ERBB4: variants seen among roughly 807,000 people sequenced by gnomAD.
ERBB4 encodes erb-b2 receptor tyrosine kinase 4.
A neutral mutation model predicts 158.0 loss-of-function variants in ERBB4; 42 were observed. That is an observed-to-expected ratio of 0.27 (90% CI 0.21 to 0.34). ERBB4 has a LOEUF of 0.34. Among genes scored for constraint, ERBB4 ranks in the 10% least tolerant of loss-of-function variants. ERBB4 has a pLI of 1.00. For synonymous variants in ERBB4, 583 were observed against 558.7 expected, an observed-to-expected ratio of 1.04 and a Z score of -0.61; for missense variants, 1,333 against 1,624.1, an observed-to-expected ratio of 0.82 and a Z score of 3.08.
chr2:211,426,830 CAT>C (rs2063638905), intron 22 of ERBB4, among the ~76,000 whole-genome samples: 1 of 151,166 alleles, frequency 6.6e-6, no homozygotes, highest in African/African-American at 2.4e-5. Flanking sequence ...ATAAATCTGA[CAT>C]AATATATATT....
At chr2:211,685,627 T>C (rs1281242207) in intron 12 of ERBB4, among the ~76,000 whole-genome samples, 2 of 152,218 alleles carry the variant, frequency 1.3e-5, no homozygotes, top group Non-Finnish European at 2.9e-5. Context: ...TCCATACAAA[T>C]TGTATAATAA....
chr2:211,554,434 T>A (rs2067183880), intron 20 of ERBB4, among the ~76,000 whole-genome samples: 1 of 152,328 alleles, frequency 6.6e-6, no homozygotes, highest in African/African-American at 2.4e-5. Flanking sequence ...GTTACTCCAA[T>A]GCAGCTCTGG....
In ERBB4 at chr2:211,561,986, C is replaced by T. The variant is rs1484741477; in HGVS notation, c.2404G>A (p.Gly802Ser). 1 of 1,614,148 alleles carries T rather than the reference C, an allele frequency of 6.2e-7. No homozygotes were observed. Among genetic ancestry groups the T allele is most frequent in the Non-Finnish European group, 8.5e-7 (1 of 1,180,032 alleles). ...IQLVTQLMPHGCLLEYVHEHK... is the reference protein window; with the variant it reads ...IQLVTQLMPHSCLLEYVHEHK... Reference sequence around the variant, plus strand: ...TCGTGGACATACTCCAACAGGCAGCCATGGGGCATAAGTTGAGTAACCAGC... The same window carrying T: ...TCGTGGACATACTCCAACAGGCAGCTATGGGGCATAAGTTGAGTAACCAGC... The change falls in exon 20 of 28, where the codon GGC becomes AGC. Residue 802 changes from glycine to serine, a missense_variant. Physicochemically the swap from Gly to Ser is moderately conservative, Grantham distance 56. Coordinates refer to ENST00000342788, the MANE Select transcript of ERBB4 (RefSeq NM_005235.3).
chr2:212,488,863 A>G, intron 1 of ERBB4, among the ~76,000 whole-genome samples: 1 of 150,402 alleles, frequency 6.6e-6, no homozygotes, highest in Non-Finnish European at 1.5e-5. Context: ...GAACCTTCCC[A>G]CTTGTGGTCA....
At chr2:211,487,735 C>G (rs1389739694) in intron 20 of ERBB4, among the ~76,000 whole-genome samples, 1 of 151,944 alleles carries the variant, frequency 6.6e-6, no homozygotes, top group Non-Finnish European at 1.5e-5. Context: ...AGCAGAAAAG[C>G]CTGGTAGCAA....
chr2:211,643,437 T>A (rs2070674489), intron 16 of ERBB4, among the ~76,000 whole-genome samples: 1 of 152,108 alleles, frequency 6.6e-6, no homozygotes, highest in East Asian at 1.9e-4. Flanking sequence ...TGAAATAGAA[T>A]AACACCTAAA....
chr2:211,726,040 T>C (rs1168389090), intron 5 of ERBB4, among the ~76,000 whole-genome samples: 1 of 152,196 alleles, frequency 6.6e-6, no homozygotes, highest in African/African-American at 2.4e-5. Context: ...CAATTCTGCT[T>C]ATCTCACTTA....
chr2:212,389,620 T>C (rs1312321995), intron 1 of ERBB4, among the ~76,000 whole-genome samples: 2 of 151,990 alleles, frequency 1.3e-5, no homozygotes, highest in Non-Finnish European at 2.9e-5. Flanking sequence ...TCCCAGGCAC[T>C]GGAAATATAA....
chr2:211,977,341 T>G (rs2081638187), intron 2 of ERBB4, among the ~76,000 whole-genome samples: 1 of 152,048 alleles, frequency 6.6e-6, no homozygotes, highest in South Asian at 2.1e-4. Flanking sequence ...AGAAAGATGA[T>G]GAAGTAGTCT....
chr2:211,847,599 A>G (rs2077621117), intron 3 of ERBB4, among the ~76,000 whole-genome samples: 1 of 151,874 alleles, frequency 6.6e-6, no homozygotes, highest in Non-Finnish European at 1.5e-5. Context: ...ATGTGGCCCA[A>G]AACAAATTTG....
At chr2:212,240,929 T>A (rs372122477) in intron 1 of ERBB4, among the ~76,000 whole-genome samples, 33 of 152,262 alleles carry the variant, frequency 2.2e-4, no homozygotes, top group East Asian at 2.1e-3. Flanking sequence ...ATGGACATAG[T>A]AATGGATAAG....
At chr2:211,965,988 G>C (rs1262683911) in intron 2 of ERBB4, among the ~76,000 whole-genome samples, 1 of 152,170 alleles carries the variant, frequency 6.6e-6, no homozygotes, top group Non-Finnish European at 1.5e-5. Context: ...AGGGCAGGAG[G>C]CTTGCTTCAG....
chr2:211,978,416 A>T (rs1334554088), intron 2 of ERBB4, among the ~76,000 whole-genome samples: 1 of 151,594 alleles, frequency 6.6e-6, no homozygotes, highest in Non-Finnish European at 1.5e-5. Flanking sequence ...CTATCTATCT[A>T]TCTATCTATC....
chr2:212,248,692 G>A (rs1287277438), intron 1 of ERBB4, among the ~76,000 whole-genome samples: 2 of 152,034 alleles, frequency 1.3e-5, no homozygotes, highest in Non-Finnish European at 2.9e-5. Context: ...AAAGGTACAG[G>A]TACTCAGCAT....
chr2:212,153,484 T>C (rs1202239998), intron 1 of ERBB4, among the ~76,000 whole-genome samples: 4 of 152,168 alleles, frequency 2.6e-5, no homozygotes, highest in East Asian at 1.9e-4. Context: ...ATGTAAATAA[T>C]TGTGTCTAAG....
intron 2 of ERBB4, among the ~76,000 whole-genome samples, chr2:212,051,493 T>C (rs2077398334): frequency 6.6e-6 from 1 of 152,170 alleles, no homozygotes; most frequent in African/African-American, 2.4e-5. Context: ...GCAATTTTCA[T>C]AATATAATAA....
intron 1 of ERBB4, among the ~76,000 whole-genome samples, chr2:212,138,726 G>T (rs1011069174): frequency 6.6e-6 from 1 of 152,084 alleles, no homozygotes; most frequent in Non-Finnish European, 1.5e-5. Context: ...ATTTAACTAG[G>T]TCCTCATTCA....
Position 211,378,839 on chromosome 2 carries a change from A to G in ERBB4, c.*4776T>C, listed in dbSNP as rs1171836260. The G allele has an allele frequency of 4.3e-6, 1 of 232,298 alleles. No homozygotes were observed. The highest frequency in any genetic ancestry group is 8.5e-6 in the Non-Finnish European group (1 of 117,538). 14.4% of individuals were successfully genotyped at this position (232,298 alleles called of 1,614,324 possible). On this transcript the variant is annotated 3_prime_UTR_variant, in exon 28 of 28. Coordinates refer to ENST00000342788, the MANE Select transcript of ERBB4 (RefSeq NM_005235.3). ...CCATGTACACAAACAGAGGCACAGT[A>G]AGATCCTCTGCCCACAGTATATACA...
intron 3 of ERBB4, among the ~76,000 whole-genome samples, chr2:211,872,117 T>C (rs2078362838): frequency 6.6e-6 from 1 of 152,164 alleles, no homozygotes; most frequent in Non-Finnish European, 1.5e-5. Flanking sequence ...AAAAATATCA[T>C]TCCGTGCTTG....
Sources: allele counts gnomAD v4.1 joint callset (sites outside exome capture counted in the v4.1 genomes callset), GRCh38; gene constraint gnomAD v4.1.1; transcripts MANE v1.5; gene names NCBI Gene and HGNC (gene_info 2026-07-23, HGNC 2026-07-21).